ARL6IP6: variants seen among roughly 807,000 people sequenced by gnomAD.
The protein encoded by ARL6IP6 is ARF like GTPase 6 interacting protein 6.
In ARL6IP6, 22 loss-of-function variants were observed where a neutral mutation model predicts 21.5. The ratio of observed to expected loss-of-function variants is 1.02; its 90% CI spans 0.73 to 1.46. The LOEUF (loss-of-function observed/expected upper bound fraction) is 1.46, where lower values mean the gene tolerates loss of function less well. Ranked by LOEUF, ARL6IP6 falls within the 40% of genes most tolerant of loss-of-function variation. The probability of loss-of-function intolerance (pLI) is 0.00; values close to 1 mark genes in which losing one functional copy is unlikely to be tolerated. For missense variants in ARL6IP6, 388 were observed against 299.8 expected, an observed-to-expected ratio of 1.29 and a Z score of -2.17; for synonymous variants, 164 against 125.3, an observed-to-expected ratio of 1.31 and a Z score of -2.06.
At chr2:152,729,287 T>G (rs542139895) in intron 2 of ARL6IP6, among the ~76,000 whole-genome samples, 7 of 152,280 alleles carry the variant, frequency 4.6e-5, no homozygotes, top group Admixed American at 3.3e-4. Flanking sequence ...GAGAATTGCT[T>G]GAACCTGGGA....
intron 3 of ARL6IP6, among the ~76,000 whole-genome samples, chr2:152,739,366 A>C (rs925969596): frequency 3.3e-5 from 5 of 152,122 alleles, no homozygotes; most frequent in African/African-American, 4.8e-5. Context: ...GATACCCTAA[A>C]TCATCTCTCT....
At chr2:152,740,945 A>G (rs1700779776) in intron 3 of ARL6IP6, among the ~76,000 whole-genome samples, 2 of 152,296 alleles carry the variant, frequency 1.3e-5, no homozygotes, top group African/African-American at 2.4e-5. Flanking sequence ...TATATTCTCT[A>G]TGTCACCAGT....
chr2:152,733,262 G>GT (rs1700408462), intron 2 of ARL6IP6, among the ~76,000 whole-genome samples: 1 of 139,732 alleles, frequency 7.2e-6, no homozygotes, highest in Admixed American at 6.7e-5. Flanking sequence ...TCGTTCTGTT[G>GT]TTTGTTTGTT....
intron 2 of ARL6IP6, among the ~76,000 whole-genome samples, chr2:152,729,712 A>G (rs917897209): frequency 6.6e-6 from 1 of 152,168 alleles, no homozygotes; most frequent in African/African-American, 2.4e-5. Context: ...AGATATATAT[A>G]CGTTTTATAT....
rs150562759 is a variant in ARL6IP6 at position 152,723,314 on chromosome 2, T to C, written c.454+2728T>C. Among the ~76,000 whole-genome samples, 789 of 152,384 alleles carry C rather than the reference T, an allele frequency of 5.2e-3. 6 individuals are homozygous for C. Among genetic ancestry groups the C allele is most frequent in the African/African-American group, 0.018 (753 of 41,596 alleles). ...AAGTACCATGCAGCCTTTTATCAGA[T>C]GATAACGATTTTATTATATTTCACT... On this transcript the variant is annotated intron_variant, in intron 2 of 3. Transcript: ENST00000326446.
At chr2:152,747,109 C>A (rs77953900) in intron 3 of ARL6IP6, among the ~76,000 whole-genome samples, 383 of 152,118 alleles carry the variant, frequency 2.5e-3, no homozygotes, top group African/African-American at 8.9e-3. Context: ...GGATTACAGG[C>A]GTGAGCCACC....
chr2:152,737,901 G>C (rs891310227), intron 3 of ARL6IP6, among the ~76,000 whole-genome samples: 1 of 152,044 alleles, frequency 6.6e-6, no homozygotes, highest in African/African-American at 2.4e-5. Context: ...CTTCCCAACA[G>C]TCCCCCAAAT....
At chr2:152,721,301 C>T (rs1205323062) in intron 2 of ARL6IP6, among the ~76,000 whole-genome samples, 2 of 151,774 alleles carry the variant, frequency 1.3e-5, no homozygotes, top group Non-Finnish European at 2.9e-5. Context: ...TAAATAATGT[C>T]TTATGTAGGC....
At chr2:152,735,200 A>G in intron 3 of ARL6IP6, 74 bp downstream of exon 3, 1 of 1,537,788 alleles carries the variant, frequency 6.5e-7, no homozygotes, top group South Asian at 1.1e-5. Context: ...CTCAGAAGCA[A>G]GAGGCTGATC....
At chr2:152,733,195 A>T (rs1700402523) in intron 2 of ARL6IP6, among the ~76,000 whole-genome samples, 1 of 152,074 alleles carries the variant, frequency 6.6e-6, no homozygotes, top group Non-Finnish European at 1.5e-5. Context: ...ACCCCATTGA[A>T]TTAGTAACAT....
upstream of ARL6IP6, chr2:152,717,845 G>A (rs569415864): frequency 1.4e-5 from 15 of 1,104,252 alleles, 1 homozygote; most frequent in Admixed American, 4.4e-4. Context: ...GGCCGCCAGG[G>A]GTAGGGTGGA....
chr2:152,749,176 CTAAATA>C lies in ARL6IP6; in HGVS notation c.588-10568_588-10563del, dbSNP rs376299681. Among the ~76,000 whole-genome samples, 727 of 152,026 alleles carry C rather than the reference CTAAATA, an allele frequency of 4.8e-3. 6 individuals are homozygous for C. The highest frequency in any genetic ancestry group is 0.016 in the African/African-American group (676 of 41,446). On this transcript the variant is annotated intron_variant, in intron 3 of 3. Coordinates refer to ENST00000326446, the MANE Select transcript of ARL6IP6 (RefSeq NM_152522.7). ...TTGCAAGTTACTATTTAATAGTAAT[CTAAATA>C]TATTGCTAGACATTATATTTTCACA...
chr2:152,730,029 C>A (rs1211197013), intron 2 of ARL6IP6, among the ~76,000 whole-genome samples: 1 of 152,094 alleles, frequency 6.6e-6, no homozygotes, highest in Non-Finnish European at 1.5e-5. Flanking sequence ...TAGGTAATTT[C>A]CCGAATCATA....
intron 3 of ARL6IP6, among the ~76,000 whole-genome samples, chr2:152,757,371 A>G (rs1413448522): frequency 6.6e-6 from 1 of 152,214 alleles, no homozygotes; most frequent in Non-Finnish European, 1.5e-5. Flanking sequence ...TTTGCATTTT[A>G]CTGGTATGCT....
chr2:152,745,027 TG>T (rs1700981937), intron 3 of ARL6IP6, among the ~76,000 whole-genome samples: 1 of 152,178 alleles, frequency 6.6e-6, no homozygotes, highest in Non-Finnish European at 1.5e-5. Context: ...TGTAATTAGA[TG>T]CTAACATTTG....
At chr2:152,720,228 T>G in intron 1 of ARL6IP6, 1 of 399,770 alleles carries the variant, frequency 2.5e-6, no homozygotes, top group African/African-American at 2.0e-5. Flanking sequence ...TGAACTGTGC[T>G]TATTTGGAAG....
At chr2:152,736,269 G>A (rs554525502) in intron 3 of ARL6IP6, among the ~76,000 whole-genome samples, 16 of 152,082 alleles carry the variant, frequency 1.1e-4, no homozygotes, top group Non-Finnish European at 1.8e-4. Flanking sequence ...TAAGTCTAGG[G>A]TAATGAGACT....
chr2:152,749,273 T>C (rs987063385), intron 3 of ARL6IP6, among the ~76,000 whole-genome samples: 15 of 151,452 alleles, frequency 9.9e-5, no homozygotes, highest in African/African-American at 3.4e-4. Flanking sequence ...GAAGTCGTTA[T>C]GTAGGAAGAG....
chr2:152,756,238 T>C (rs965374716), intron 3 of ARL6IP6, among the ~76,000 whole-genome samples: 1 of 152,178 alleles, frequency 6.6e-6, no homozygotes, highest in Non-Finnish European at 1.5e-5. Context: ...TTGGTCTATT[T>C]TGAGTATATT....
Sources: allele counts gnomAD v4.1 joint callset (sites outside exome capture counted in the v4.1 genomes callset), GRCh38; gene constraint gnomAD v4.1.1; transcripts MANE v1.5; gene names NCBI Gene and HGNC (gene_info 2026-07-23, HGNC 2026-07-21).